GALNT13: variants seen among roughly 807,000 people sequenced by gnomAD.
GALNT13 encodes polypeptide N-acetylgalactosaminyltransferase 13.
In GALNT13, 28 loss-of-function variants were observed where a neutral mutation model predicts 64.2. The observed-to-expected ratio is 0.44, with a 90% CI of 0.32 to 0.60. The LOEUF (loss-of-function observed/expected upper bound fraction) is 0.60, where lower values mean the gene tolerates loss of function less well. Ranked by LOEUF, GALNT13 falls within the 20% of genes least tolerant of loss-of-function variation. The pLI is 0.05. For missense variants in GALNT13, 577 were observed against 669.8 expected (o/e 0.86, Z 1.53); for synonymous variants, 214 against 224.6 (o/e 0.95, Z 0.42).
intron 9 of GALNT13, among the ~76,000 whole-genome samples, chr2:154,313,134 T>C (rs1341535279): frequency 6.6e-6 from 1 of 151,290 alleles, no homozygotes; most frequent in Non-Finnish European, 1.5e-5. Flanking sequence ...TTTATCATAA[T>C]GAAATCTGGA....
chr2:154,098,255 A>C (rs1323984539), intron 3 of GALNT13, among the ~76,000 whole-genome samples: 1 of 152,006 alleles, frequency 6.6e-6, no homozygotes, highest in Non-Finnish European at 1.5e-5. Flanking sequence ...TGAGGTTAAC[A>C]TCTCAAGATA....
chr2:153,483,333 T>C, the GALNT13 span, among the ~76,000 whole-genome samples: 1 of 148,678 alleles, frequency 6.7e-6, no homozygotes, highest in Non-Finnish European at 1.5e-5. Context: ...CAAACGTCCA[T>C]CAACAAATGA....
At chr2:153,278,200 T>C in the GALNT13 span, among the ~76,000 whole-genome samples, 1 of 152,100 alleles carries the variant, frequency 6.6e-6, no homozygotes, top group Admixed American at 6.5e-5. Flanking sequence ...CCCAAAGTGC[T>C]GGGATTACAG....
At chr2:153,634,730 T>A in the GALNT13 span, among the ~76,000 whole-genome samples, 1 of 151,682 alleles carries the variant, frequency 6.6e-6, no homozygotes, top group African/African-American at 2.4e-5. Flanking sequence ...TTTGTATTTT[T>A]AGTAGAGACG....
At chr2:153,745,402 GGT>G in the GALNT13 span, among the ~76,000 whole-genome samples, 2 of 152,112 alleles carry the variant, frequency 1.3e-5, no homozygotes, top group East Asian at 3.9e-4. Flanking sequence ...CAGAATCTGT[GGT>G]AGGGCTGAGC....
intron 4 of GALNT13, among the ~76,000 whole-genome samples, chr2:154,235,776 C>A (rs1689161585): frequency 6.6e-6 from 1 of 152,062 alleles, no homozygotes. Flanking sequence ...ATTTCACATT[C>A]TCATCTTATA....
chr2:154,276,174 G>GCTTTT (rs1018190872), intron 8 of GALNT13, among the ~76,000 whole-genome samples: 20 of 151,926 alleles, frequency 1.3e-4, no homozygotes, highest in Middle Eastern at 3.4e-3. Flanking sequence ...GATTGTGGAT[G>GCTTTT]CTTTTCTTTT....
the GALNT13 span, among the ~76,000 whole-genome samples, chr2:153,855,680 T>A: frequency 1.3e-5 from 2 of 152,132 alleles, no homozygotes; most frequent in African/African-American, 4.8e-5. Context: ...AGTCTGGCAA[T>A]TCCTAAAAAT....
chr2:153,285,568 G>T, the GALNT13 span, among the ~76,000 whole-genome samples: 1 of 152,158 alleles, frequency 6.6e-6, no homozygotes, highest in African/African-American at 2.4e-5. Context: ...CAATATGTAA[G>T]ATGTATTTTA....
intron 9 of GALNT13, among the ~76,000 whole-genome samples, chr2:154,313,601 T>C (rs1441611728): frequency 2.0e-5 from 3 of 151,794 alleles, no homozygotes; most frequent in South Asian, 2.1e-4. Flanking sequence ...ACTATAGGCA[T>C]GCATCACCAT....
At chr2:153,084,963 T>A in the GALNT13 span, among the ~76,000 whole-genome samples, 1 of 152,174 alleles carries the variant, frequency 6.6e-6, no homozygotes, top group African/African-American at 2.4e-5. Flanking sequence ...TGTTTGGAAC[T>A]TCCTAGAGAC....
intron 3 of GALNT13, among the ~76,000 whole-genome samples, chr2:153,974,777 T>C (rs1387498313): frequency 3.3e-5 from 5 of 152,022 alleles, no homozygotes; most frequent in African/African-American, 7.2e-5. Flanking sequence ...TTTTTAGAGA[T>C]AGACTAATTC....
chr2:154,094,740 CTT>C lies in GALNT13; in HGVS notation c.143-45595_143-45594del, dbSNP rs1312215434. 4.6e-5 allele frequency among the ~76,000 whole-genome samples: 7 copies of C among 151,982 alleles called. No individual in the cohort carries two copies. In the East Asian group the frequency reaches 1.4e-3, roughly 30 times the overall value. On this transcript the variant is annotated intron_variant, in intron 3 of 12. Coordinates refer to ENST00000392825, the MANE Select transcript of GALNT13 (RefSeq NM_052917.4). The stretch of plus-strand genomic sequence containing the variant: ...AAATATTATTCATTTAACACATTCT[CTT>C]TGTTTAAATGTCAACTACTCATCTC...
chr2:153,329,153 A>C, the GALNT13 span, among the ~76,000 whole-genome samples: 1 of 151,884 alleles, frequency 6.6e-6, no homozygotes, highest in Non-Finnish European at 1.5e-5. Context: ...AACCAGTCCC[A>C]ATGAGATGAA....
the GALNT13 span, among the ~76,000 whole-genome samples, chr2:153,492,780 T>A: frequency 0.025 from 3,757 of 152,280 alleles, 129 homozygotes; most frequent in African/African-American, 0.084. Context: ...TTCACCAATA[T>A]AATACATGTG....
chr2:154,056,870 A>G (rs2105358084), intron 3 of GALNT13, among the ~76,000 whole-genome samples: 1 of 152,020 alleles, frequency 6.6e-6, no homozygotes, highest in African/African-American at 2.4e-5. Flanking sequence ...AAATTGAAGA[A>G]TAATATAAAT....
At chr2:153,738,479 T>C in the GALNT13 span, among the ~76,000 whole-genome samples, 2 of 152,102 alleles carry the variant, frequency 1.3e-5, no homozygotes, top group African/African-American at 2.4e-5. Context: ...AAAACTTAAT[T>C]TGTATTTCTT....
intron 2 of GALNT13, among the ~76,000 whole-genome samples, chr2:153,926,845 TC>T (rs1384574655): frequency 6.6e-6 from 1 of 152,134 alleles, no homozygotes; most frequent in Non-Finnish European, 1.5e-5. Context: ...AAAACATATA[TC>T]TTCCTCATTA....
chr2:153,542,985 A>G, the GALNT13 span, among the ~76,000 whole-genome samples: 1 of 152,230 alleles, frequency 6.6e-6, no homozygotes, highest in Admixed American at 6.5e-5. Context: ...TGCATATTAT[A>G]AATAGAAATT....
Sources: gnomAD v4.1 joint callset for allele counts (sites outside exome capture counted in the v4.1 genomes callset) on GRCh38, gnomAD v4.1.1 for gene constraint, MANE v1.5 for transcripts, NCBI Gene and HGNC (gene_info 2026-07-23, HGNC 2026-07-21) for gene names.